Variants in CHD3 observed in about 807,000 individuals in gnomAD.
CHD3 encodes ATP-dependent chromatin remodeler CHD3.
Under a neutral mutation model 248.9 loss-of-function variants are expected in CHD3, and 52 were observed. That is an observed-to-expected ratio of 0.21 (90% CI 0.17 to 0.26). The LOEUF (loss-of-function observed/expected upper bound fraction) is 0.26. Ranked by LOEUF, CHD3 falls within the 10% of genes least tolerant of loss-of-function variation. The pLI is 1.00. For missense variants in CHD3, 1,482 were observed against 2,605.8 expected (o/e 0.57, Z 9.39); for synonymous variants, 985 against 985.2 (o/e 1.00, Z 0.00).
At chr17:7,894,020 A>G (rs1260622494) in intron 6 of CHD3, 85 bp downstream of exon 6, 1 of 1,588,326 alleles carries the variant, frequency 6.3e-7, no homozygotes, top group African/African-American at 1.5e-5. Context: ...ATCCAGAGAC[A>G]GGGATCCGTG....
At chr17:7,887,504 T>TCTGGTA, upstream of CHD3, among the ~76,000 whole-genome samples, 1 of 152,180 alleles carries the variant, frequency 6.6e-6, no homozygotes, top group East Asian at 1.9e-4. Context: ...TGCGGAAAAT[T>TCTGGTA]CTGGTAGTTT....
chr17:7,887,539 A>G (rs1968156650), upstream of CHD3, among the ~76,000 whole-genome samples: 1 of 152,196 alleles, frequency 6.6e-6, no homozygotes, highest in Non-Finnish European at 1.5e-5. Context: ...TGAAAATACA[A>G]ACCCACCCCC....
Position 7,894,949 on chromosome 17 carries a change from G to A in CHD3, c.1302G>A (p.Glu434=). 6.2e-7 allele frequency: 1 copy of A among 1,613,066 alleles called. No homozygotes were observed. Among genetic ancestry groups the A allele is most frequent in the East Asian group, 2.2e-5 (1 of 44,864 alleles). ...AGGGGGTCCAGTGGGAGGCCAAGGA[G>A]GAAGAAGAAGAATACGAAGAGGAGG... ...EKEGVQWEAK[E]EEEEYEEEGE... The change falls in exon 9 of 40, where the codon GAG becomes GAA. Residue 434 remains glutamate, a synonymous_variant. Transcript: ENST00000330494.
At chr17:7,887,151 C>T (rs1968091202), upstream of CHD3, among the ~76,000 whole-genome samples, 1 of 152,046 alleles carries the variant, frequency 6.6e-6, no homozygotes, top group Non-Finnish European at 1.5e-5. Context: ...GAAAAGAACC[C>T]TCCTCTAAGG....
rs368591051 is a variant in CHD3 at position 7,907,591 on chromosome 17, C to T, written c.4925-10C>T. 6.6e-7 allele frequency: 1 copy of T among 1,509,402 alleles called. No homozygotes were observed. The highest frequency in any genetic ancestry group is 8.8e-7 in the Non-Finnish European group (1 of 1,131,132). The allele number at this position is 1,509,402 out of a possible 1,614,324, so 93.5% of individuals were successfully genotyped here. On this transcript the variant is annotated splice_polypyrimidine_tract_variant and intron_variant, in intron 32 of 39. Transcript: ENST00000330494. The surrounding 1 kb of genome is among the most constrained non-coding windows in gnomAD (Gnocchi z 4.3). ...CATCCTCCCTTCCTATCCCCTACCC[C>T]CTCCCACAGCCACAGAGTCGACGCC...
rs1202144299 is a variant in CHD3 at position 7,908,956 on chromosome 17, A to AGT, written c.5394+130_5394+131dup. 2 of 1,438,578 alleles carry AGT rather than the reference A, an allele frequency of 1.4e-6. No individual in the cohort carries two copies. The highest frequency in any genetic ancestry group is 4.6e-5 in the East Asian group (2 of 43,864). The allele number at this position is 1,438,578 out of a possible 1,614,324, so 89.1% of individuals were successfully genotyped here. ...AGGTGATACCTGGGGCCAAGACCAA[A>AGT]GTGTAACCTTGTGCTTGGGAGTGTG... On this transcript the variant is annotated intron_variant, in intron 36 of 39. Coordinates refer to ENST00000330494, the MANE Select transcript of CHD3 (RefSeq NM_001005273.3). This position sits in a 1 kb window ranked among gnomAD's most constrained non-coding sequence, Gnocchi z 5.8.
chr17:7,907,808 CCAGTACAGTA>C lies in CHD3; in HGVS notation c.5027-77_5027-68del. On this transcript the variant is annotated intron_variant, in intron 33 of 39. Transcript: ENST00000330494. The surrounding 1 kb of genome is among the most constrained non-coding windows in gnomAD (Gnocchi z 4.3). ...CCTGGGCGGGTAGCTGTTTGAAAGG[CCAGTACAGTA>C]CAGTACAGATAGTAGTCTTGGGACC... 6.5e-7 allele frequency: 1 copy of C among 1,529,268 alleles called. No homozygotes were observed. The allele number at this position is 1,529,268 out of a possible 1,614,324, so 94.7% of individuals were successfully genotyped here.
chr17:7,908,321 T>C lies in CHD3; in HGVS notation c.5153-81T>C. 1 of 1,135,508 alleles carries C rather than the reference T, an allele frequency of 8.8e-7. No homozygotes were observed. Among genetic ancestry groups the C allele is most frequent in the South Asian group, 1.4e-5 (1 of 73,808 alleles). The allele number at this position is 1,135,508 out of a possible 1,614,324, so 70.3% of individuals were successfully genotyped here. On this transcript the variant is annotated intron_variant, in intron 34 of 39. Transcript: ENST00000330494. This position sits in a 1 kb window ranked among gnomAD's most constrained non-coding sequence, Gnocchi z 5.8. ...CCTTAGTTCCCTTTCATTATTCAGT[T>C]TCTCCATCTCTACCTGTCTGTTGGA...
At chr17:7,888,739 C>A (rs532681090), upstream of CHD3, 9 of 1,173,638 alleles carry the variant, frequency 7.7e-6, no homozygotes, top group Non-Finnish European at 9.9e-6. Context: ...TGCGCGCGTG[C>A]GCGCGCGTGC....
rs1157262116 is a variant in CHD3, at chr17:7,907,680, A to G, written c.5004A>G (p.Glu1668=). Residue 1668 remains glutamate (E), a synonymous_variant, in exon 33 of 40, where the codon GAA becomes GAG. Coordinates refer to ENST00000330494, the MANE Select transcript of CHD3 (RefSeq NM_001005273.3). This position sits in a 1 kb window ranked among gnomAD's most constrained non-coding sequence, Gnocchi z 4.3. Reference sequence around the variant, plus strand: ...AACACAGGGAGAGGCCGGAGGGGGAAACAGGGGATTTGGGCAAGAGAGGTA... The same window carrying G: ...AACACAGGGAGAGGCCGGAGGGGGAGACAGGGGATTTGGGCAAGAGAGGTA... ...GQEHRERPEG[E]TGDLGKREDV... 14 of 1,536,080 alleles carry G rather than the reference A, an allele frequency of 9.1e-6. No individual in the cohort carries two copies. In the East Asian group the frequency reaches 1.4e-4, roughly 15 times the overall value.
Position 7,906,789 on chromosome 17 carries a change from G to A in CHD3, c.4504-80G>A, listed in dbSNP as rs1971012786. The A allele has an allele frequency of 1.1e-5, 17 of 1,594,642 alleles. No homozygotes were observed. The East Asian group carries it at 3.8e-4, about 36-fold the overall frequency. On this transcript the variant is annotated intron_variant, in intron 29 of 39. Coordinates refer to ENST00000330494, the MANE Select transcript of CHD3 (RefSeq NM_001005273.3). This position sits in a 1 kb window ranked among gnomAD's most constrained non-coding sequence, Gnocchi z 5.0. Reference sequence around the variant, plus strand: ...GTCCCTGAGTTGTAAGCTTGCGCTGGTGTGAGACGGAGGAGACTGGAGCTT... The same window carrying A: ...GTCCCTGAGTTGTAAGCTTGCGCTGATGTGAGACGGAGGAGACTGGAGCTT...
In CHD3 at chr17:7,904,214, C is replaced by G. The variant is rs532405404; in HGVS notation, c.3894+223C>G. 1.6e-6 allele frequency: 1 copy of G among 622,034 alleles called. No homozygotes were observed. Among genetic ancestry groups the G allele is most frequent in the East Asian group, 2.8e-5 (1 of 36,348 alleles). The allele number at this position is 622,034 out of a possible 1,614,324, so 38.5% of individuals were successfully genotyped here. A position where few individuals can be genotyped will look rare whatever the true frequency, so the allele number is the denominator to read the frequency against. On this transcript the variant is annotated intron_variant, in intron 24 of 39. Transcript: ENST00000330494. This position sits in a 1 kb window ranked among gnomAD's most constrained non-coding sequence, Gnocchi z 4.4. The stretch of plus-strand genomic sequence containing the variant: ...ACCTTCTGAGACAGTGCAGGAGAAA[C>G]ACTGTCAGAGGGATTAGAGGAGAGA...
At chr17:7,898,387 TG>T in intron 12 of CHD3, 108 bp from the exon 13 acceptor site, 1 of 876,308 alleles carries the variant, frequency 1.1e-6, no homozygotes, top group Non-Finnish European at 1.8e-6. Context: ...AAAGGAAATA[TG>T]GGAAAATCTA....
Position 7,905,647 on chromosome 17 carries a change from C to A in CHD3, c.4165C>A (p.Arg1389=), listed in dbSNP as rs1391665668. ...GCGTAGACAGTCAAAGAGGCAGCTC[C>A]GGAATGAGAAAGATAAGCCACTGCC... The part of the protein sequence containing the change: ...EGRRQSKRQL[R]NEKDKPLPPL... Residue 1389 remains arginine (R), a synonymous_variant, in exon 27 of 40, where the codon CGG becomes AGG. Coordinates refer to ENST00000330494, the MANE Select transcript of CHD3 (RefSeq NM_001005273.3). This position sits in a 1 kb window ranked among gnomAD's most constrained non-coding sequence, Gnocchi z 5.8. 1 of 1,607,478 alleles carries A rather than the reference C, an allele frequency of 6.2e-7. No individual in the cohort carries two copies. The highest frequency in any genetic ancestry group is 8.5e-7 in the Non-Finnish European group (1 of 1,176,458).
chr17:7,892,621 C>T (rs891149378), intron 4 of CHD3, among the ~76,000 whole-genome samples: 6 of 151,766 alleles, frequency 4.0e-5, no homozygotes, highest in African/African-American at 1.2e-4. Context: ...CTCAGCCTCC[C>T]GAGTAGCTGA....
chr17:7,885,625 G>A (rs540011803), upstream of CHD3, among the ~76,000 whole-genome samples: 1 of 152,026 alleles, frequency 6.6e-6, no homozygotes, highest in African/African-American at 2.4e-5. Context: ...GACCGAGGGA[G>A]AGTGGGGTTT....
chr17:7,901,211 A>ACC (rs1292779835), intron 19 of CHD3, 33 bp from the exon 20 acceptor site: 1 of 1,566,010 alleles, frequency 6.4e-7, no homozygotes, highest in African/African-American at 1.4e-5. Flanking sequence ...TTTCCAACTG[A>ACC]CCCCCTCCTC....
chr17:7,885,117 G>A (rs1447871245), upstream of CHD3: 9 of 982,504 alleles, frequency 9.2e-6, no homozygotes, highest in African/African-American at 1.8e-5. Flanking sequence ...CCCCAAGCCC[G>A]AGTGGGAGCC....
chr17:7,907,736 C>T lies in CHD3; in HGVS notation c.5026+34C>T. The T allele has an allele frequency of 2.0e-6, 3 of 1,514,346 alleles. No homozygotes were observed. The highest frequency in any genetic ancestry group is 2.6e-6 in the Non-Finnish European group (3 of 1,135,078). The allele number at this position is 1,514,346 out of a possible 1,614,324, so 93.8% of individuals were successfully genotyped here. On this transcript the variant is annotated intron_variant, in intron 33 of 39. Coordinates refer to ENST00000330494, the MANE Select transcript of CHD3 (RefSeq NM_001005273.3). This position sits in a 1 kb window ranked among gnomAD's most constrained non-coding sequence, Gnocchi z 4.3. The stretch of plus-strand genomic sequence containing the variant: ...TGGAAGGGACCGGACACCTGGGTCC[C>T]AGAGGGCATCAGGGGAGGTGGAGTC...
Sources: allele counts gnomAD v4.1 joint callset (sites outside exome capture counted in the v4.1 genomes callset), GRCh38; gene constraint gnomAD v4.1.1; non-coding constraint Gnocchi (gnomAD v3.1); transcripts MANE v1.5; gene names NCBI Gene and HGNC (gene_info 2026-07-23, HGNC 2026-07-21).